RELN: variants seen among roughly 807,000 people sequenced by gnomAD.
The protein encoded by RELN is reelin.
Under a neutral mutation model 427.6 loss-of-function variants are expected in RELN, and 108 were observed. The observed-to-expected ratio is 0.25, with a 90% CI of 0.22 to 0.30. RELN has a LOEUF of 0.30. Among genes scored for constraint, RELN ranks in the 10% least tolerant of loss-of-function variants. The pLI, the probability that RELN is intolerant of heterozygous loss-of-function variation, is 1.00. For synonymous variants in RELN, 1,524 were observed against 1,513.4 expected, an observed-to-expected ratio of 1.01 and a Z score of -0.16; for missense variants, 3,715 against 4,302.8, an observed-to-expected ratio of 0.86 and a Z score of 3.82.
At chr7:103,532,053 A>T (rs553692278) in intron 46 of RELN, among the ~76,000 whole-genome samples, 1 of 152,244 alleles carries the variant, frequency 6.6e-6, no homozygotes, top group African/African-American at 2.4e-5. Flanking sequence ...TAGCCCATCA[A>T]TGATAGACTG....
chr7:103,879,199 C>G (rs1389993114), intron 2 of RELN, among the ~76,000 whole-genome samples: 2 of 152,140 alleles, frequency 1.3e-5, no homozygotes, highest in African/African-American at 4.8e-5. Context: ...GTAACTCAAA[C>G]TCTCCTAGCT....
intron 2 of RELN, among the ~76,000 whole-genome samples, chr7:103,892,199 C>T (rs1250459880): frequency 6.6e-6 from 1 of 152,094 alleles, no homozygotes. Flanking sequence ...AATTGATGTC[C>T]AAGGTGACCT....
chr7:103,630,261 G>C, intron 19 of RELN, 85 bp from the exon 20 acceptor site: 1 of 921,484 alleles, frequency 1.1e-6, no homozygotes, highest in Non-Finnish European at 1.7e-6. Context: ...TTCCCCTGAA[G>C]TATAGTATTA....
At chr7:103,848,762 G>A (rs995181430) in intron 2 of RELN, among the ~76,000 whole-genome samples, 6 of 152,170 alleles carry the variant, frequency 3.9e-5, no homozygotes, top group Non-Finnish European at 8.8e-5. Flanking sequence ...GATGGTACAT[G>A]CCCATTACAG....
intron 51 of RELN, among the ~76,000 whole-genome samples, chr7:103,508,646 C>T (rs1262416442): frequency 6.6e-6 from 1 of 152,182 alleles, no homozygotes; most frequent in East Asian, 1.9e-4. Context: ...ATTGGAAATT[C>T]TGGCCAGGGC....
In RELN at chr7:103,539,199, G is replaced by A. The variant is rs1226032639; in HGVS notation, c.7059C>T (p.Ala2353=). 3.1e-6 allele frequency: 5 copies of A among 1,614,036 alleles called. No homozygotes were observed. In the African/African-American group the frequency reaches 4.0e-5, roughly 13 times the overall value. Residue 2353 remains alanine, a synonymous_variant, in exon 45 of 65, where the codon GCC becomes GCT. Transcript: ENST00000428762. ...TGCTGGCCTTTTCAATGAAGACCAG[G>A]GCATCACCAGTAGAGCCACACACGG... is the stretch of plus-strand genomic sequence containing the variant. ...KMPVCGSTGD[A]LVFIEKASTR...
Position 103,940,198 on chromosome 7 carries a change from C to T in RELN, c.227-23013G>A, listed in dbSNP as rs151222698. On this transcript the variant is annotated intron_variant, in intron 1 of 64. Transcript: ENST00000428762. ...GGAAGGCTCATCTGGAAAGCAAAAGCGCTCCAAGACCAAGTTTCACTACTT... is the reference window on the plus strand; with the variant it reads ...GGAAGGCTCATCTGGAAAGCAAAAGTGCTCCAAGACCAAGTTTCACTACTT... 9.5e-4 allele frequency among the ~76,000 whole-genome samples: 144 copies of T among 152,250 alleles called. 2 individuals carry two copies. The East Asian group carries it at 0.025, about 26-fold the overall frequency.
chr7:103,497,836 G>A lies in RELN; in HGVS notation c.8934C>T (p.Asp2978=), dbSNP rs1195363834. 1 of 1,613,982 alleles carries A rather than the reference G, an allele frequency of 6.2e-7. No individual in the cohort carries two copies. The highest frequency in any genetic ancestry group is 8.5e-7 in the Non-Finnish European group (1 of 1,179,994). Residue 2978 remains aspartate, a synonymous_variant, in exon 55 of 65, where the codon GAC becomes GAT. Coordinates refer to ENST00000428762, the MANE Select transcript of RELN (RefSeq NM_005045.4). ...PICRKEGVLL[D]YSTDGGITWT... is the part of the protein sequence containing the mutation. ...GACACATGCCTCCATCGGTAGAGTA[G>A]TCCAACAGCACGCCTTCCTTCCGGC...
intron 8 of RELN, among the ~76,000 whole-genome samples, chr7:103,710,414 T>C (rs919710303): frequency 6.6e-6 from 1 of 152,170 alleles, no homozygotes; most frequent in African/African-American, 2.4e-5. Context: ...ATTCTCAATA[T>C]AAAAACAGCT....
chr7:103,726,585 C>T (rs1339709233), intron 7 of RELN, among the ~76,000 whole-genome samples: 1 of 152,018 alleles, frequency 6.6e-6, no homozygotes, highest in Admixed American at 6.6e-5. Context: ...TTAACTAATA[C>T]TTCAGTATTA....
intron 1 of RELN, among the ~76,000 whole-genome samples, chr7:103,966,972 A>C (rs541020063): frequency 6.6e-6 from 1 of 152,326 alleles, no homozygotes; most frequent in South Asian, 2.1e-4. Flanking sequence ...CCCTACACCT[A>C]ATCAAAGCTC....
chr7:103,927,344 T>C (rs1171381958), intron 1 of RELN, among the ~76,000 whole-genome samples: 1 of 152,188 alleles, frequency 6.6e-6, no homozygotes, highest in African/African-American at 2.4e-5. Flanking sequence ...CAAAATCCAA[T>C]TCATAAAATC....
chr7:103,783,188 G>C (rs1373411401), intron 3 of RELN, among the ~76,000 whole-genome samples: 7 of 129,228 alleles, frequency 5.4e-5, no homozygotes, highest in African/African-American at 2.1e-4. Flanking sequence ...TTAAGACAAA[G>C]TCTCACTATG....
chr7:103,576,293 C>T (rs1305010281), intron 28 of RELN, among the ~76,000 whole-genome samples: 2 of 152,162 alleles, frequency 1.3e-5, no homozygotes, highest in African/African-American at 2.4e-5. Context: ...GCACATGCCA[C>T]AATGCCCAGC....
At chr7:103,635,339 T>C in intron 19 of RELN, 86 bp downstream of exon 19, 3 of 1,467,414 alleles carry the variant, frequency 2.0e-6, no homozygotes, top group Middle Eastern at 2.3e-4. Context: ...TGGAAAAATA[T>C]CTAGAATTTT....
chr7:103,487,620 AC>A (rs1828490975), intron 60 of RELN, among the ~76,000 whole-genome samples: 1 of 152,162 alleles, frequency 6.6e-6, no homozygotes, highest in African/African-American at 2.4e-5. Context: ...GCCGTGTAAA[AC>A]TGTTGTTTAA....
rs112280215 is a variant in RELN at position 103,556,954 on chromosome 7, C to A, written c.5797+23G>T. 2,517 of 1,582,756 alleles carry A rather than the reference C, an allele frequency of 1.6e-3. 30 individuals carry two copies. The African/African-American group carries it at 0.029, about 18-fold the overall frequency. Reference sequence around the variant, plus strand: ...AACATGCCACTATCAGTTCTGATCACAGGAGAACACATGCATTTTTACCGT... The same window carrying A: ...AACATGCCACTATCAGTTCTGATCAAAGGAGAACACATGCATTTTTACCGT... On this transcript the variant is annotated intron_variant, in intron 38 of 64. Transcript: ENST00000428762.
At position 103,661,368 on chromosome 7, in the gene RELN, G is replaced by A; in HGVS notation, c.1441+8C>T. 1.9e-6 allele frequency: 3 copies of A among 1,613,626 alleles called. No homozygotes were observed. Among genetic ancestry groups the A allele is most frequent in the Non-Finnish European group, 2.5e-6 (3 of 1,179,620 alleles). On this transcript the variant is annotated splice_region_variant and intron_variant, in intron 12 of 64. Coordinates refer to ENST00000428762, the MANE Select transcript of RELN (RefSeq NM_005045.4). Reference sequence around the variant, plus strand: ...CACGGTGAACAAAGTTTGTGAAAATGTACTTACCCATCACAAAGTAAAACC... The same window carrying A: ...CACGGTGAACAAAGTTTGTGAAAATATACTTACCCATCACAAAGTAAAACC...
chr7:103,681,779 A>G (rs1366041340), intron 11 of RELN, among the ~76,000 whole-genome samples: 1 of 152,200 alleles, frequency 6.6e-6, no homozygotes, highest in Non-Finnish European at 1.5e-5. Context: ...AAGACAAACA[A>G]AAATCTCAAT....
Sources: allele counts gnomAD v4.1 joint callset (sites outside exome capture counted in the v4.1 genomes callset), GRCh38; gene constraint gnomAD v4.1.1; transcripts MANE v1.5; gene names NCBI Gene and HGNC (gene_info 2026-07-23, HGNC 2026-07-21).